TMPRSS6: variants seen among roughly 807,000 people sequenced by gnomAD.
TMPRSS6 encodes the protein transmembrane protease serine 6.
In TMPRSS6, 67 loss-of-function variants were observed where a neutral mutation model predicts 101.5. The observed-to-expected ratio is 0.66, with a 90% CI of 0.54 to 0.81. The LOEUF is 0.81. Ranked by LOEUF, TMPRSS6 falls within the 30% of genes least tolerant of loss-of-function variation. The pLI, the probability that TMPRSS6 is intolerant of heterozygous loss-of-function variation, is 0.00. For missense variants in TMPRSS6, 1,034 were observed against 1,088.7 expected (o/e 0.95, Z 0.71); for synonymous variants, 453 against 464.9 (o/e 0.97, Z 0.33).
chr22:37,080,784 G>C (rs964044608), intron 10 of TMPRSS6, among the ~76,000 whole-genome samples: 3 of 152,264 alleles, frequency 2.0e-5, no homozygotes, highest in Non-Finnish European at 4.4e-5. Context: ...GGAACTGGTG[G>C]GACAGCCACA....
At chr22:37,096,141 C>T in intron 4 of TMPRSS6, 51 bp from the exon 5 acceptor site, 1 of 1,599,618 alleles carries the variant, frequency 6.3e-7, no homozygotes. Flanking sequence ...GAGGTCTGGC[C>T]CCAGCTCCAC....
At chr22:37,091,189 GC>G (rs746162064) in intron 6 of TMPRSS6, among the ~76,000 whole-genome samples, 9 of 152,236 alleles carry the variant, frequency 5.9e-5, no homozygotes, top group Non-Finnish European at 1.2e-4. Flanking sequence ...CTCCCGTGGA[GC>G]ATCCAGTATC....
Position 37,070,992 on chromosome 22 carries a change from C to T in TMPRSS6, c.1596G>A (p.Arg532=). The T allele has an allele frequency of 6.2e-7, 1 of 1,613,146 alleles. No individual in the cohort carries two copies. The highest frequency in any genetic ancestry group is 8.5e-7 in the Non-Finnish European group (1 of 1,179,912). The change falls in exon 14 of 18, where the codon CGG becomes CGA. Residue 532 remains arginine (R), a synonymous_variant. Coordinates refer to ENST00000676104, the MANE Select transcript of TMPRSS6 (RefSeq NM_001374504.1). ...GCGGGTTGGGCTTCTTCACGCAGCT[C>T]CGGTCCTCACACTGGAAGGTGAATG... ...CGTFTFQCED[R]SCVKKPNPQC... is the part of the protein sequence containing the mutation.
In TMPRSS6 at chr22:37,086,389, C is replaced by G; in HGVS notation, c.867G>C (p.Val289=). The G allele has an allele frequency of 6.2e-7, 1 of 1,605,654 alleles. No individual in the cohort carries two copies. The highest frequency in any genetic ancestry group is 1.1e-5 in the South Asian group (1 of 89,976). The change falls in exon 8 of 18, where the codon GTG becomes GTC. Residue 289 remains valine, a synonymous_variant. Transcript: ENST00000676104. ...SVYGCSRQEP[V]VEVLASGAIM... Reference sequence around the variant, plus strand: ...TGGCCCCCGACGCCAGAACCTCCACCACGGGCTCCTGGCGGCTGCAGCCGT... The same window carrying G: ...TGGCCCCCGACGCCAGAACCTCCACGACGGGCTCCTGGCGGCTGCAGCCGT...
At chr22:37,097,223 A>G (rs543626021) in intron 3 of TMPRSS6, among the ~76,000 whole-genome samples, 52 of 152,212 alleles carry the variant, frequency 3.4e-4, no homozygotes, top group African/African-American at 1.1e-3. Flanking sequence ...TATCACCCCT[A>G]CCTCATGGAG....
Position 37,074,692 on chromosome 22 carries a change from G to A in TMPRSS6, c.1359C>T (p.Phe453=). The A allele has an allele frequency of 6.2e-7, 1 of 1,614,202 alleles. No individual in the cohort carries two copies. Among genetic ancestry groups the A allele is most frequent in the South Asian group, 1.1e-5 (1 of 91,078 alleles). Reference sequence around the variant, plus strand: ...CACAGAGTCCATTCACAGAACAGAGGAACTCTCCAGGGCAGGCTGCAAAAC... The same window carrying A: ...CACAGAGTCCATTCACAGAACAGAGAAACTCTCCAGGGCAGGCTGCAAAAC... ...YNQSDPCPGE[F]LCSVNGLCVP... is the part of the protein sequence containing the mutation. Residue 453 remains phenylalanine (F), a synonymous_variant, in exon 12 of 18, where the codon TTC becomes TTT. Transcript: ENST00000676104.
At chr22:37,072,906 T>A (rs1282718255) in intron 13 of TMPRSS6, among the ~76,000 whole-genome samples, 2 of 143,630 alleles carry the variant, frequency 1.4e-5, no homozygotes, top group Non-Finnish European at 3.0e-5. Context: ...GATGGATGGA[T>A]AGATGGATGA....
intron 10 of TMPRSS6, among the ~76,000 whole-genome samples, chr22:37,077,839 A>C (rs1395129951): frequency 1.3e-5 from 2 of 152,256 alleles, no homozygotes; most frequent in Admixed American, 1.3e-4. Context: ...TATAACCTGT[A>C]TAAGCAAAAA....
At position 37,070,547 on chromosome 22, in the gene TMPRSS6, C is replaced by A. The variant is rs1038543194; in HGVS notation, c.1778G>T (p.Cys593Phe). Reference protein sequence around the residue: ...ASLQVRGRHICGGALIADRWV... With the variant: ...ASLQVRGRHIFGGALIADRWV... ...GCGGTCAGCGATGAGGGCCCCCCCA[C>A]AGATGTGTCGACCCCGAACCTGGAG... Residue 593 changes from cysteine to phenylalanine, a missense_variant, in exon 15 of 18, where the codon TGT becomes TTT. By Grantham distance (205) the Cys-to-Phe change is radical. Transcript: ENST00000676104. 4 of 1,613,314 alleles carry A rather than the reference C, an allele frequency of 2.5e-6. No individual in the cohort carries two copies. The highest frequency in any genetic ancestry group is 3.4e-6 in the Non-Finnish European group (4 of 1,180,046).
chr22:37,076,656 C>T (rs1927700495), intron 10 of TMPRSS6, among the ~76,000 whole-genome samples: 1 of 152,212 alleles, frequency 6.6e-6, no homozygotes, highest in Admixed American at 6.5e-5. Flanking sequence ...GCCACTCCCC[C>T]AGGACAGTGG....
chr22:37,101,585 G>A lies in TMPRSS6; in HGVS notation c.202+1631C>T, dbSNP rs993954999. ...CCCAGGAGCACAGCCTGGTCAAGGC[G>A]GGAGGAGTCTTTCAAACAGCTCCCA... On this transcript the variant is annotated intron_variant, in intron 2 of 17. Transcript: ENST00000676104. The surrounding 1 kb of genome is among the most constrained non-coding windows in gnomAD (Gnocchi z 4.1). 3.3e-5 allele frequency among the ~76,000 whole-genome samples: 5 copies of A among 152,028 alleles called. No homozygotes were observed. Among genetic ancestry groups the A allele is most frequent in the African/African-American group, 7.3e-5 (3 of 41,372 alleles).
In TMPRSS6 at chr22:37,087,323, G is replaced by A. The variant is rs140213892; in HGVS notation, c.837-904C>T. Among the ~76,000 whole-genome samples the A allele has an allele frequency of 4.4e-3, 674 of 152,332 alleles. 8 individuals are homozygous for A. Among genetic ancestry groups the A allele is most frequent in the African/African-American group, 0.016 (648 of 41,562 alleles). ...TAGCCTCCCTGCCTGCAGACTGTGCGTGGGCACCTGGGCCTTGACAGGAGG... is the reference window on the plus strand; with the variant it reads ...TAGCCTCCCTGCCTGCAGACTGTGCATGGGCACCTGGGCCTTGACAGGAGG... On this transcript the variant is annotated intron_variant, in intron 7 of 17. Transcript: ENST00000676104.
rs112333860 is a variant in TMPRSS6, at chr22:37,084,330, C to T, written c.1161G>A (p.Pro387=). ...GGATCGTCCACTGGCCCTGGGTGCA[C>T]GGCAAATCATACTTCTGCCTCCTCA... ...YALRRQKYDL[P]CTQGQWTIQN... is the part of the protein sequence containing the mutation. Residue 387 remains proline, a synonymous_variant, in exon 10 of 18, where the codon CCG becomes CCA. Coordinates refer to ENST00000676104, the MANE Select transcript of TMPRSS6 (RefSeq NM_001374504.1). 1.6e-4 allele frequency: 256 copies of T among 1,613,672 alleles called. No individual in the cohort carries two copies. The African/African-American group carries it at 2.3e-3, about 15-fold the overall frequency.
At chr22:37,072,781 TG>T (rs1927213530) in intron 13 of TMPRSS6, among the ~76,000 whole-genome samples, 1 of 129,688 alleles carries the variant, frequency 7.7e-6, no homozygotes. Flanking sequence ...GATGGATGGA[TG>T]ATGGACGGAT....
chr22:37,107,193 G>A (rs1376417807), intron 1 of TMPRSS6, among the ~76,000 whole-genome samples: 1 of 152,200 alleles, frequency 6.6e-6, no homozygotes, highest in African/African-American at 2.4e-5. Flanking sequence ...AATGGTGTGG[G>A]CCTGTGGGGT....
At chr22:37,072,799 T>C (rs374680393) in intron 13 of TMPRSS6, among the ~76,000 whole-genome samples, 5,523 of 124,844 alleles carry the variant, frequency 0.044, 442 homozygotes, top group African/African-American at 0.16. Context: ...GGATGGATGA[T>C]GGATGGATGG....
chr22:37,066,972 G>GATGGGGCCTCACT lies in TMPRSS6; in HGVS notation c.2114-11_2114-10insAGTGAGGCCCCAT. ...GCGTTGCTGATGGGGCCTGTCCGTG[G>GATGGGGCCTCACT]TCAAGGGCAGAAGTGAGATCTCAGG... On this transcript the variant is annotated splice_polypyrimidine_tract_variant and intron_variant, in intron 16 of 17. Transcript: ENST00000676104. The GATGGGGCCTCACT allele has an allele frequency of 6.2e-7, 1 of 1,614,132 alleles. No individual in the cohort carries two copies. The highest frequency in any genetic ancestry group is 8.5e-7 in the Non-Finnish European group (1 of 1,180,016).
chr22:37,072,641 CGGATGGATGATGGAT>C (rs1568999625), intron 13 of TMPRSS6, among the ~76,000 whole-genome samples: 29 of 42,296 alleles, frequency 6.9e-4, no homozygotes, highest in South Asian at 2.0e-3. Flanking sequence ...GGATGATGGA[CGGATGGATGATGGAT>C]GGATGGATGA....
At chr22:37,092,206 C>T (rs554104761) in intron 6 of TMPRSS6, among the ~76,000 whole-genome samples, 9 of 152,048 alleles carry the variant, frequency 5.9e-5, no homozygotes, top group African/African-American at 7.2e-5. Context: ...TAACTGAACA[C>T]GCCTTGGGTG....
Sources: gnomAD v4.1 joint callset for allele counts (sites outside exome capture counted in the v4.1 genomes callset) on GRCh38, gnomAD v4.1.1 for gene constraint, Gnocchi (gnomAD v3.1) non-coding constraint, MANE v1.5 for transcripts, NCBI Gene and HGNC (gene_info 2026-07-23, HGNC 2026-07-21) for gene names.